DLGAP1: variants seen among roughly 807,000 people sequenced by gnomAD.
DLGAP1 encodes disks large-associated protein 1.
DLGAP1 carries 11 observed loss-of-function variants against 90.8 expected under a neutral mutation model. The ratio of observed to expected loss-of-function variants is 0.12; its 90% CI spans 0.08 to 0.20. DLGAP1 has a LOEUF of 0.20. Ranked by LOEUF, DLGAP1 falls within the 10% of genes least tolerant of loss-of-function variation. The pLI is 1.00. For synonymous variants in DLGAP1, 558 were observed against 540.7 expected (o/e 1.03, Z -0.44); for missense variants, 1,050 against 1,333.8 (o/e 0.79, Z 3.31).
At chr18:3,839,236 C>T (rs1254892678) in intron 4 of DLGAP1, among the ~76,000 whole-genome samples, 2 of 152,122 alleles carry the variant, frequency 1.3e-5, no homozygotes, top group Admixed American at 6.6e-5. Context: ...TCACATTTAT[C>T]GAATGCTTCC....
intron 1 of DLGAP1, among the ~76,000 whole-genome samples, chr18:4,237,927 G>A (rs763517157): frequency 5.3e-5 from 8 of 152,098 alleles, no homozygotes; most frequent in South Asian, 4.1e-4. Flanking sequence ...GAAACATTCC[G>A]TTAAATCTCT....
At chr18:4,325,022 C>T (rs985134384) in intron 1 of DLGAP1, among the ~76,000 whole-genome samples, 4 of 152,090 alleles carry the variant, frequency 2.6e-5, no homozygotes, top group African/African-American at 4.8e-5. Context: ...CAAGCACAGT[C>T]AGGCAAGAGA....
chr18:3,607,158 A>G (rs2057364509), intron 7 of DLGAP1: 1 of 152,116 alleles, frequency 6.6e-6, no homozygotes, highest in Non-Finnish European at 1.5e-5. Context: ...TTGTATTACC[A>G]TGTATGTTGC....
rs189534051 is a variant in DLGAP1, at chr18:3,526,561, T to C, written c.2479+7633A>G. On this transcript the variant is annotated intron_variant, in intron 10 of 12. Coordinates refer to ENST00000315677, the MANE Select transcript of DLGAP1 (RefSeq NM_004746.4). The surrounding 1 kb of genome is among the most constrained non-coding windows in gnomAD (Gnocchi z 4.7). The stretch of plus-strand genomic sequence containing the variant: ...GAATTAATCTGCCTCCGGCACATGC[T>C]CTAGGTTTATCAGTTTGTTTCAGAT... Among the ~76,000 whole-genome samples the C allele has an allele frequency of 7.2e-5, 11 of 152,388 alleles. No individual in the cohort carries two copies. The highest frequency in any genetic ancestry group is 6.5e-4 in the Admixed American group (10 of 15,312).
chr18:3,567,499 T>C lies in DLGAP1; in HGVS notation c.2048A>G (p.Glu683Gly). Residue 683 changes from glutamate (E) to glycine (G), a missense_variant, in exon 9 of 13, where the codon GAA (glutamate) becomes GGA (glycine). This residue lies in a region of DLGAP1 where 565 missense variants were observed against 879.7 expected (regional missense o/e 0.64). Coordinates refer to ENST00000315677, the MANE Select transcript of DLGAP1 (RefSeq NM_004746.4). The stretch of plus-strand genomic sequence containing the variant: ...GTGCATGTGGACTTACCACTTCTCT[T>C]CTTCTACTTGCACTCCCACGGACTG... Reference protein sequence around the residue: ...KFQSVGVQVEEEKCFRRFTRS... With the variant: ...KFQSVGVQVEGEKCFRRFTRS... 2 of 1,613,900 alleles carry C rather than the reference T, an allele frequency of 1.2e-6. No individual in the cohort carries two copies. Among genetic ancestry groups the C allele is most frequent in the South Asian group, 2.2e-5 (2 of 91,052 alleles).
intron 1 of DLGAP1, among the ~76,000 whole-genome samples, chr18:4,224,123 A>C (rs2078136316): frequency 2.0e-5 from 3 of 152,188 alleles, no homozygotes; most frequent in African/African-American, 4.8e-5. Context: ...GGAAGAACTC[A>C]GTCCTGGCAG....
chr18:4,173,650 G>T (rs772973180), intron 1 of DLGAP1, among the ~76,000 whole-genome samples: 40 of 152,264 alleles, frequency 2.6e-4, no homozygotes, highest in Non-Finnish European at 4.4e-4. Flanking sequence ...GCCTAGCCCA[G>T]TCGTAGACTG....
rs1201627868 is a variant in DLGAP1 at position 3,629,497 on chromosome 18, CT to C, written c.1592-47250del. 7.5e-4 allele frequency among the ~76,000 whole-genome samples: 114 copies of C among 152,104 alleles called. 1 individual carries two copies. Among genetic ancestry groups the C allele is most frequent in the African/African-American group, 2.6e-3 (107 of 41,478 alleles). ...CCATCCTGGCTAACACGCTGAAACC[CT>C]GTCTCTACTAAAAATACAAAAAAAT... On this transcript the variant is annotated intron_variant, in intron 7 of 12. Transcript: ENST00000315677.
intron 5 of DLGAP1, among the ~76,000 whole-genome samples, chr18:3,779,227 C>T (rs2148105409): frequency 1.3e-5 from 2 of 152,236 alleles, no homozygotes; most frequent in East Asian, 3.9e-4. Context: ...GCAATGCCAC[C>T]AGTTTTGCTG....
intron 1 of DLGAP1, among the ~76,000 whole-genome samples, chr18:4,235,121 C>T (rs1321338820): frequency 6.6e-6 from 1 of 152,024 alleles, no homozygotes; most frequent in Non-Finnish European, 1.5e-5. Context: ...CCTACTCAAA[C>T]CTGTTTTCCA....
chr18:4,222,621 A>G (rs2078099838), intron 1 of DLGAP1, among the ~76,000 whole-genome samples: 1 of 152,172 alleles, frequency 6.6e-6, no homozygotes, highest in Admixed American at 6.6e-5. Flanking sequence ...ATTGAGTAAA[A>G]ATATCTTCCA....
chr18:4,044,613 C>T (rs534317903), intron 2 of DLGAP1, among the ~76,000 whole-genome samples: 24 of 152,046 alleles, frequency 1.6e-4, no homozygotes, highest in South Asian at 6.2e-4. Context: ...CGGTGGTGGG[C>T]GCCTGTAATC....
Position 4,009,633 on chromosome 18 carries a change from T to G in DLGAP1, c.-158-4432A>C, listed in dbSNP as rs148703065. On this transcript the variant is annotated intron_variant, in intron 2 of 12. Transcript: ENST00000315677. ...GGATAGGGTTCTCTTCCTCCTTTGT[T>G]GCTGTATTTCCTTCCTCTCCTCACT... Among the ~76,000 whole-genome samples, 20 of 152,360 alleles carry G rather than the reference T, an allele frequency of 1.3e-4. No homozygotes were observed. The East Asian group carries it at 3.9e-3, about 29-fold the overall frequency.
intron 4 of DLGAP1, chr18:3,878,439 AT>A (rs1163156928): frequency 6.6e-6 from 1 of 152,166 alleles, no homozygotes; most frequent in African/African-American, 2.4e-5. Flanking sequence ...GCTGACACTA[AT>A]TGTATTTTAC....
chr18:4,427,602 A>C (rs1346366384), intron 1 of DLGAP1, among the ~76,000 whole-genome samples: 1 of 152,138 alleles, frequency 6.6e-6, no homozygotes, highest in Admixed American at 6.5e-5. Flanking sequence ...AGTAGAACGC[A>C]CTCAAAGACA....
At chr18:4,413,289 C>G (rs1478445933) in intron 1 of DLGAP1, among the ~76,000 whole-genome samples, 1 of 152,078 alleles carries the variant, frequency 6.6e-6, no homozygotes, top group African/African-American at 2.4e-5. Context: ...GAACTCTTCC[C>G]CATGAGTTTA....
At chr18:4,310,963 T>C (rs1402904229) in intron 1 of DLGAP1, among the ~76,000 whole-genome samples, 1 of 152,212 alleles carries the variant, frequency 6.6e-6, no homozygotes, top group Non-Finnish European at 1.5e-5. Flanking sequence ...TAATTCTCTC[T>C]GCTGGGTTTG....
intron 1 of DLGAP1, among the ~76,000 whole-genome samples, chr18:4,402,643 A>G (rs763509949): frequency 9.9e-5 from 15 of 152,208 alleles, no homozygotes. Flanking sequence ...TTACCATTGT[A>G]GAGTATTGCT....
intron 2 of DLGAP1, among the ~76,000 whole-genome samples, chr18:4,057,744 T>C (rs551726408): frequency 7.9e-5 from 12 of 152,356 alleles, no homozygotes; most frequent in Admixed American, 2.6e-4. Flanking sequence ...TCAAGTATGC[T>C]TCAGACCTGT....
Sources: allele counts gnomAD v4.1 joint callset (sites outside exome capture counted in the v4.1 genomes callset), GRCh38; gene constraint gnomAD v4.1.1; regional missense constraint gnomAD v4.1.1; non-coding constraint Gnocchi (gnomAD v3.1); transcripts MANE v1.5; gene names NCBI Gene and HGNC (gene_info 2026-07-23, HGNC 2026-07-21).